ABRACL: variants seen among roughly 807,000 people sequenced by gnomAD.
ABRACL encodes the protein ABRA C-terminal like.
A neutral mutation model predicts 7.0 loss-of-function variants in ABRACL; 4 were observed. The observed-to-expected ratio is 0.57, with a 90% CI of 0.28 to 1.30. The LOEUF (loss-of-function observed/expected upper bound fraction) is 1.30. ABRACL is among the 50% of genes most tolerant of loss of function. The pLI is 0.10. For synonymous variants in ABRACL, 30 were observed against 36.0 expected (o/e 0.83, Z 0.60); for missense variants, 104 against 97.3 (o/e 1.07, Z -0.29).
chr6:139,038,932 C>T (rs981975491), intron 2 of ABRACL, among the ~76,000 whole-genome samples: 1 of 152,096 alleles, frequency 6.6e-6, no homozygotes, highest in African/African-American at 2.4e-5. Flanking sequence ...ATTAAAAAAT[C>T]TCTAAAATAG....
intron 1 of ABRACL, among the ~76,000 whole-genome samples, chr6:139,032,802 A>G (rs1786102089): frequency 6.6e-6 from 1 of 152,244 alleles, no homozygotes; most frequent in Non-Finnish European, 1.5e-5. Flanking sequence ...GACATCCTGC[A>G]GGTGTACTTC....
intron 1 of ABRACL, among the ~76,000 whole-genome samples, chr6:139,029,640 C>T (rs1786049283): frequency 6.6e-6 from 1 of 152,132 alleles, no homozygotes; most frequent in South Asian, 2.1e-4. Flanking sequence ...GTTAGGGGAC[C>T]TCTACCAGGC....
At chr6:139,041,602 C>T (rs1786255011) in intron 2 of ABRACL, among the ~76,000 whole-genome samples, 1 of 148,024 alleles carries the variant, frequency 6.8e-6, no homozygotes, top group East Asian at 2.0e-4. Flanking sequence ...CTCAAGGTAT[C>T]CTCCTACCTT....
chr6:139,042,671 G>A (rs764693960), intron 2 of ABRACL, 48 bp from the exon 3 acceptor site: 117 of 1,538,224 alleles, frequency 7.6e-5, no homozygotes, highest in Non-Finnish European at 1.0e-4. Flanking sequence ...ATACTTGAGG[G>A]TATGAAACAG....
chr6:139,028,818 C>T lies in ABRACL; in HGVS notation c.-64C>T, dbSNP rs1442588437. On this transcript the variant is annotated 5_prime_UTR_variant, in exon 1 of 3. Coordinates refer to ENST00000367660, the MANE Select transcript of ABRACL (RefSeq NM_021243.3). ...CTCCCCAGTGCACTGAAGAAGGTAA[C>T]CGGGTCCAGACCCACGCGGCGCCAG... 1 of 152,642 alleles carries T rather than the reference C, an allele frequency of 6.6e-6. No homozygotes were observed. Among genetic ancestry groups the T allele is most frequent in the Non-Finnish European group, 1.5e-5 (1 of 68,372 alleles). The allele number at this position is 152,642 out of a possible 1,614,324, so 9.5% of individuals were successfully genotyped here.
intron 2 of ABRACL, chr6:139,034,557 A>T (rs544776917): frequency 3.4e-5 from 27 of 805,560 alleles, no homozygotes; most frequent in Non-Finnish European, 5.0e-5. Context: ...ATTAAAATTC[A>T]TGTTTTCTGC....
intron 1 of ABRACL, among the ~76,000 whole-genome samples, chr6:139,032,436 C>T (rs1786096589): frequency 6.6e-6 from 1 of 152,198 alleles, no homozygotes. Context: ...TATGAAGATG[C>T]ATTTAATTGA....
chr6:139,035,965 A>C (rs995729813), intron 2 of ABRACL, among the ~76,000 whole-genome samples: 1 of 150,266 alleles, frequency 6.7e-6, no homozygotes, highest in Non-Finnish European at 1.5e-5. Flanking sequence ...TTAGCCAGGC[A>C]TGCTGGCATG....
At chr6:139,035,455 C>T (rs1786138893) in intron 2 of ABRACL, among the ~76,000 whole-genome samples, 1 of 151,962 alleles carries the variant, frequency 6.6e-6, no homozygotes, top group Non-Finnish European at 1.5e-5. Flanking sequence ...TGAGTCCACA[C>T]ATTGCATCAT....
chr6:139,037,372 T>C (rs1303481192), intron 2 of ABRACL, among the ~76,000 whole-genome samples: 1 of 152,120 alleles, frequency 6.6e-6, no homozygotes, highest in Non-Finnish European at 1.5e-5. Context: ...GCAATTCTTG[T>C]GCCTCAGCCT....
chr6:139,034,106 T>G, intron 1 of ABRACL, 49 bp from the exon 2 acceptor site: 2 of 1,611,172 alleles, frequency 1.2e-6, no homozygotes, highest in Non-Finnish European at 1.7e-6. Context: ...TGGATGTGCT[T>G]AATGGAATGT....
intron 2 of ABRACL, among the ~76,000 whole-genome samples, chr6:139,039,748 A>G (rs1422642089): frequency 2.6e-5 from 4 of 152,206 alleles, no homozygotes; most frequent in African/African-American, 9.6e-5. Flanking sequence ...ATGCAAGGCC[A>G]GAGGATGAAG....
intron 2 of ABRACL, among the ~76,000 whole-genome samples, chr6:139,038,315 A>G (rs7761206): frequency 0.4 from 61,525 of 152,116 alleles, 13,991 homozygotes; most frequent in East Asian, 0.91. Context: ...CGTAACTTCT[A>G]TAAGCATGGA....
At chr6:139,033,364 C>G (rs1310885923) in intron 1 of ABRACL, among the ~76,000 whole-genome samples, 1 of 152,212 alleles carries the variant, frequency 6.6e-6, no homozygotes, top group African/African-American at 2.4e-5. Flanking sequence ...TTATTGCAAT[C>G]GGATTTACTG....
intron 1 of ABRACL, among the ~76,000 whole-genome samples, chr6:139,033,692 C>T (rs1192845447): frequency 2.6e-5 from 4 of 152,170 alleles, no homozygotes; most frequent in African/African-American, 9.7e-5. Context: ...CTTTGTGCTT[C>T]CATATGCCTT....
intron 2 of ABRACL, among the ~76,000 whole-genome samples, chr6:139,042,499 TTGTC>T (rs1452286845): frequency 6.6e-6 from 1 of 152,244 alleles, no homozygotes; most frequent in Admixed American, 6.5e-5. Context: ...TTCTCAGTCT[TTGTC>T]TGGATAATCC....
At chr6:139,034,567 C>T in intron 2 of ABRACL, 1 of 692,732 alleles carries the variant, frequency 1.4e-6, no homozygotes, top group South Asian at 3.5e-5. Context: ...ATGTTTTCTG[C>T]CTTGTTCTGC....
chr6:139,036,983 CAAAACA>C (rs994288937), intron 2 of ABRACL, among the ~76,000 whole-genome samples: 2 of 147,730 alleles, frequency 1.4e-5, no homozygotes, highest in African/African-American at 5.1e-5. Flanking sequence ...GACCCTGTCT[CAAAACA>C]AAAACAAAAA....
intron 2 of ABRACL, among the ~76,000 whole-genome samples, chr6:139,034,756 A>G: frequency 6.6e-6 from 1 of 152,350 alleles, no homozygotes; most frequent in South Asian, 2.1e-4. Context: ...ACTAAAATAA[A>G]TCATCCTTTA....
Sources: allele counts gnomAD v4.1 joint callset (sites outside exome capture counted in the v4.1 genomes callset), GRCh38; gene constraint gnomAD v4.1.1; transcripts MANE v1.5; gene names NCBI Gene and HGNC (gene_info 2026-07-23, HGNC 2026-07-21).